The following INPP4A variants were observed in gnomAD, a reference collection of about 807,000 sequenced individuals.
INPP4A encodes the protein inositol polyphosphate-4-phosphatase type I A.
INPP4A carries 33 observed loss-of-function variants against 119.8 expected under a neutral mutation model. That is an observed-to-expected ratio of 0.28 (90% CI 0.21 to 0.37). The LOEUF (loss-of-function observed/expected upper bound fraction) is 0.37. INPP4A is among the 10% of genes least tolerant of loss of function. The pLI is 1.00. For synonymous variants in INPP4A, 496 were observed against 500.7 expected (o/e 0.99, Z 0.12); for missense variants, 956 against 1,289.9 (o/e 0.74, Z 3.97).
At chr2:98,572,252 G>C (rs1473757909) in intron 22 of INPP4A, among the ~76,000 whole-genome samples, 1 of 152,224 alleles carries the variant, frequency 6.6e-6, no homozygotes, top group Non-Finnish European at 1.5e-5. Flanking sequence ...AGGCCCAAGG[G>C]GTCCTGGAAG....
chr2:98,567,947 G>A (rs1414355155), intron 21 of INPP4A, among the ~76,000 whole-genome samples: 5 of 152,212 alleles, frequency 3.3e-5, no homozygotes, highest in African/African-American at 1.2e-4. Flanking sequence ...GACTGCACTG[G>A]GGCCCAGGAC....
At chr2:98,513,773 T>G (rs971723342) in intron 1 of INPP4A, among the ~76,000 whole-genome samples, 2 of 152,242 alleles carry the variant, frequency 1.3e-5, no homozygotes, top group Admixed American at 1.3e-4. Context: ...GCCTTGTCCC[T>G]GCTGCCCCTC....
intron 1 of INPP4A, among the ~76,000 whole-genome samples, chr2:98,454,354 AGCTTATGTAGTAGTG>A (rs1021300131): frequency 1.3e-5 from 2 of 152,142 alleles, no homozygotes; most frequent in African/African-American, 4.8e-5. Flanking sequence ...TGTATCACAA[AGCTTATGTAGTAGTG>A]GCTTTGGCAT....
chr2:98,450,774 T>G (rs1205810716), intron 1 of INPP4A, among the ~76,000 whole-genome samples: 1 of 151,760 alleles, frequency 6.6e-6, no homozygotes, highest in Admixed American at 6.6e-5. Flanking sequence ...TCTCTTTCTG[T>G]TTTTTTTGAG....
At chr2:98,455,940 C>T (rs1309294394) in intron 1 of INPP4A, among the ~76,000 whole-genome samples, 1 of 152,172 alleles carries the variant, frequency 6.6e-6, no homozygotes, top group African/African-American at 2.4e-5. Flanking sequence ...TAGAGCGTCC[C>T]GTGCCTTTCC....
At position 98,594,357 on chromosome 2, in the gene INPP4A, GTTGT is replaced by G. The variant is rs369230982; in HGVS notation, c.*6752_*6755del. 2 of 152,240 alleles carry G rather than the reference GTTGT, an allele frequency of 1.3e-5. No individual in the cohort carries two copies. Among genetic ancestry groups the G allele is most frequent in the East Asian group, 1.9e-4 (1 of 5,184 alleles). 9.4% of individuals were successfully genotyped at this position (152,240 alleles called of 1,614,324 possible). ...ATCCTATTCACTTTTTGGTATACTGGTTGTTTAACAGTAAAAATTAAATGTTTAA... is the reference window on the plus strand; with the variant it reads ...ATCCTATTCACTTTTTGGTATACTGGTTAACAGTAAAAATTAAATGTTTAA... On this transcript the variant is annotated 3_prime_UTR_variant, in exon 25 of 25. Coordinates refer to ENST00000409851, the MANE Select transcript of INPP4A (RefSeq NM_001134225.2).
intron 1 of INPP4A, among the ~76,000 whole-genome samples, chr2:98,467,528 A>G (rs1482017509): frequency 6.6e-6 from 1 of 152,246 alleles, no homozygotes; most frequent in African/African-American, 2.4e-5. Flanking sequence ...TGGGGACAAC[A>G]GGTCCAGTGA....
chr2:98,488,374 T>C (rs1574687421), intron 1 of INPP4A, among the ~76,000 whole-genome samples: 1 of 152,220 alleles, frequency 6.6e-6, no homozygotes, highest in Admixed American at 6.5e-5. Context: ...AGCATCCAAA[T>C]GGCAGCGGCA....
chr2:98,452,034 C>T (rs866761658), intron 1 of INPP4A, among the ~76,000 whole-genome samples: 60 of 152,230 alleles, frequency 3.9e-4, no homozygotes, highest in African/African-American at 1.4e-3. Flanking sequence ...CCATCACTGC[C>T]GGTTTCATCC....
At chr2:98,497,069 T>C (rs1014905851) in intron 1 of INPP4A, among the ~76,000 whole-genome samples, 1 of 152,214 alleles carries the variant, frequency 6.6e-6, no homozygotes, top group Non-Finnish European at 1.5e-5. Context: ...ACTGTTGATA[T>C]GGACTTGGTG....
At chr2:98,534,082 A>G (rs1271212009) in intron 5 of INPP4A, among the ~76,000 whole-genome samples, 1 of 152,272 alleles carries the variant, frequency 6.6e-6, no homozygotes, top group Non-Finnish European at 1.5e-5. Context: ...AAAGTGAAGA[A>G]TTATCAAACT....
Position 98,563,647 on chromosome 2 carries a change from G to A in INPP4A, c.2028+10G>A, listed in dbSNP as rs375794341. 7.3e-5 allele frequency: 117 copies of A among 1,611,626 alleles called. No individual in the cohort carries two copies. The African/African-American group carries it at 7.6e-4, about 10-fold the overall frequency. On this transcript the variant is annotated intron_variant, in intron 18 of 24. Coordinates refer to ENST00000409851, the MANE Select transcript of INPP4A (RefSeq NM_001134225.2). ...GGTCTTCTGCCAGACGGTAGGCCCC[G>A]GGAGCACCCCGAGGGAGACCACGGG...
intron 1 of INPP4A, among the ~76,000 whole-genome samples, chr2:98,514,270 G>A (rs545358057): frequency 6.6e-6 from 1 of 152,178 alleles, no homozygotes; most frequent in Non-Finnish European, 1.5e-5. Flanking sequence ...AGCCCCACCT[G>A]GAGTTAGAGA....
At position 98,444,963 on chromosome 2, in the gene INPP4A, T is replaced by G. The variant is rs1228911617; in HGVS notation, c.-288T>G. The G allele has an allele frequency of 6.7e-6, 1 of 150,312 alleles. No homozygotes were observed. Among genetic ancestry groups the G allele is most frequent in the African/African-American group, 2.4e-5 (1 of 41,100 alleles). The allele number at this position is 150,312 out of a possible 1,614,324, so 9.3% of individuals were successfully genotyped here. A position where few individuals can be genotyped will look rare whatever the true frequency, so the allele number is the denominator to read the frequency against. On this transcript the variant is annotated 5_prime_UTR_variant, in exon 1 of 25. Transcript: ENST00000409851. The stretch of plus-strand genomic sequence containing the variant: ...GGGCCGGGGCAGGAGGACCAGCACC[T>G]GAGGCCGGGCCCGCAGCCCGCGACT...
intron 16 of INPP4A, among the ~76,000 whole-genome samples, chr2:98,558,224 C>G (rs1372302983): frequency 1.3e-5 from 2 of 152,200 alleles, no homozygotes; most frequent in East Asian, 3.8e-4. Flanking sequence ...CCCAACCTAG[C>G]TGTTTGGGAT....
At chr2:98,579,047 CTT>C (rs1388095033) in intron 24 of INPP4A, among the ~76,000 whole-genome samples, 1 of 150,648 alleles carries the variant, frequency 6.6e-6, no homozygotes, top group Non-Finnish European at 1.5e-5. Flanking sequence ...GACCTTATCA[CTT>C]TTTTTTTCTT....
Position 98,587,737 on chromosome 2 carries a change from C to A in INPP4A, c.*129C>A. On this transcript the variant is annotated 3_prime_UTR_variant, in exon 25 of 25. Coordinates refer to ENST00000409851, the MANE Select transcript of INPP4A (RefSeq NM_001134225.2). The stretch of plus-strand genomic sequence containing the variant: ...TGTGGTTTTTTTAAAAAAAACATTT[C>A]ACTAAAGAGTCTCTGGAGCATGTTT... 1.3e-6 allele frequency: 1 copy of A among 767,660 alleles called. No individual in the cohort carries two copies. Among genetic ancestry groups the A allele is most frequent in the Non-Finnish European group, 2.0e-6 (1 of 494,750 alleles). 47.6% of individuals were successfully genotyped at this position (767,660 alleles called of 1,614,324 possible).
chr2:98,575,698 C>G (rs915759845), intron 23 of INPP4A, among the ~76,000 whole-genome samples: 2 of 152,194 alleles, frequency 1.3e-5, no homozygotes, highest in Non-Finnish European at 2.9e-5. Context: ...CTGGCATGCT[C>G]TTTGGCTTTG....
chr2:98,453,737 G>A (rs546182979), intron 1 of INPP4A, among the ~76,000 whole-genome samples: 2 of 152,306 alleles, frequency 1.3e-5, no homozygotes, highest in South Asian at 2.1e-4. Context: ...AGCTGGGGGC[G>A]TGAGGAGCAG....
Sources: gnomAD v4.1 joint callset for allele counts (sites outside exome capture counted in the v4.1 genomes callset) on GRCh38, gnomAD v4.1.1 for gene constraint, MANE v1.5 for transcripts, NCBI Gene and HGNC (gene_info 2026-07-23, HGNC 2026-07-21) for gene names.